The following GPR137C variants were observed in gnomAD, a reference collection of about 807,000 sequenced individuals.
GPR137C encodes the protein G protein-coupled receptor 137C.
GPR137C carries 27 observed loss-of-function variants against 43.4 expected under a neutral mutation model. That is an observed-to-expected ratio of 0.62 (90% CI 0.46 to 0.86). GPR137C has a LOEUF of 0.86. Among genes scored for constraint, GPR137C ranks in the 40% least tolerant of loss-of-function variants. The pLI is 0.00. For synonymous variants in GPR137C, 285 were observed against 226.9 expected (o/e 1.26, Z -2.30); for missense variants, 522 against 534.6 (o/e 0.98, Z 0.23).
chr14:52,620,642 TCAGA>T (rs1200686396), intron 3 of GPR137C, among the ~76,000 whole-genome samples: 1 of 151,630 alleles, frequency 6.6e-6, no homozygotes. Context: ...TTTGGATTTA[TCAGA>T]CAAAGCATTT....
At chr14:52,613,671 A>G in intron 3 of GPR137C, 1 of 282,044 alleles carries the variant, frequency 3.5e-6, no homozygotes, top group Non-Finnish European at 7.1e-6. Context: ...GTTGTTGCAG[A>G]TTACAGGATC....
In GPR137C at chr14:52,631,090, A is replaced by G. The variant is rs115974219; in HGVS notation, c.718-1070A>G. On this transcript the variant is annotated intron_variant, in intron 3 of 6. Transcript: ENST00000321662. Reference sequence around the variant, plus strand: ...AAATTTCCTTCAATTTACACATTCTATGTGTTTGTGGAAATTTGGGCCTCT... The same window carrying G: ...AAATTTCCTTCAATTTACACATTCTGTGTGTTTGTGGAAATTTGGGCCTCT... 4.3e-3 allele frequency among the ~76,000 whole-genome samples: 662 copies of G among 152,274 alleles called. 1 individual carries two copies. Among genetic ancestry groups the G allele is most frequent in the African/African-American group, 0.015 (634 of 41,556 alleles).
At chr14:52,619,984 T>C (rs2139566175) in intron 3 of GPR137C, among the ~76,000 whole-genome samples, 1 of 152,262 alleles carries the variant, frequency 6.6e-6, no homozygotes, top group Admixed American at 6.5e-5. Context: ...AGATTGCTCC[T>C]AATGGACCAA....
At chr14:52,624,772 A>G (rs1375554620) in intron 3 of GPR137C, among the ~76,000 whole-genome samples, 1 of 152,070 alleles carries the variant, frequency 6.6e-6, no homozygotes, top group Non-Finnish European at 1.5e-5. Context: ...AAATCAATGA[A>G]ATAGGAAACA....
At chr14:52,604,013 T>C (rs569280847) in intron 3 of GPR137C, among the ~76,000 whole-genome samples, 2 of 152,256 alleles carry the variant, frequency 1.3e-5, no homozygotes, top group East Asian at 3.9e-4. Context: ...TCCCTGATGA[T>C]TGATGTTGAA....
chr14:52,559,233 C>T (rs562028828), intron 1 of GPR137C, among the ~76,000 whole-genome samples: 1 of 151,888 alleles, frequency 6.6e-6, no homozygotes, highest in African/African-American at 2.4e-5. Flanking sequence ...AAAATTAGCC[C>T]AGCATGGTGG....
chr14:52,600,318 G>A lies in GPR137C; in HGVS notation c.694G>A (p.Ala232Thr). 6.3e-7 allele frequency: 1 copy of A among 1,598,884 alleles called. No individual in the cohort carries two copies. The highest frequency in any genetic ancestry group is 8.6e-7 in the Non-Finnish European group (1 of 1,167,368). ...YICKITKMSS[A>T]NVYLESKGMS... Reference sequence around the variant, plus strand: ...ATGCAAAATTACAAAAATGTCATCAGCTAATGTCTACCTCGAATCAAAGGT... The same window carrying A: ...ATGCAAAATTACAAAAATGTCATCAACTAATGTCTACCTCGAATCAAAGGT... The change falls in exon 3 of 7, where the codon GCT (alanine) becomes ACT (threonine). Residue 232 changes from alanine to threonine, a missense_variant. Physicochemically the swap from Ala to Thr is moderately conservative, Grantham distance 58. Transcript: ENST00000321662.
intron 3 of GPR137C, among the ~76,000 whole-genome samples, chr14:52,608,267 T>C (rs1018648115): frequency 2.0e-4 from 31 of 152,228 alleles, no homozygotes; most frequent in African/African-American, 6.3e-4. Context: ...GTATCTGTTA[T>C]AGATTTTTGC....
intron 1 of GPR137C, among the ~76,000 whole-genome samples, chr14:52,594,318 G>A (rs1416559817): frequency 6.6e-6 from 1 of 152,184 alleles, no homozygotes; most frequent in Non-Finnish European, 1.5e-5. Context: ...GGGATGGAGA[G>A]TTCTGTAGAT....
At chr14:52,592,937 T>C (rs7160511) in intron 1 of GPR137C, among the ~76,000 whole-genome samples, 7,127 of 152,272 alleles carry the variant, frequency 0.047, 404 homozygotes, top group East Asian at 0.16. Context: ...TTCTAGTTTT[T>C]GCCCATTCAG....
intron 3 of GPR137C, among the ~76,000 whole-genome samples, chr14:52,629,788 A>G (rs2139580797): frequency 6.6e-6 from 1 of 152,302 alleles, no homozygotes; most frequent in Admixed American, 6.5e-5. Flanking sequence ...AAACTCAATG[A>G]CTAGTAGGTT....
Position 52,600,259 on chromosome 14 carries a change from T to G in GPR137C, c.635T>G (p.Phe212Cys). The G allele has an allele frequency of 1.9e-6, 3 of 1,613,744 alleles. No individual in the cohort carries two copies. In the East Asian group the frequency reaches 6.7e-5, roughly 36 times the overall value. The change falls in exon 3 of 7, where the codon TTT becomes TGT. Residue 212 changes from phenylalanine (F) to cysteine (C), a missense_variant. Coordinates refer to ENST00000321662, the MANE Select transcript of GPR137C (RefSeq NM_001099652.2). ...FVRALINDSL[F>C]ILCAISLVCY... ...CGAGCATTAATTAATGATAGCCTGT[T>G]TATTCTTTGTGCCATCTCTTTAGTG...
In GPR137C at chr14:52,600,428, C is replaced by CTATTTTATTT. The variant is rs72343825; in HGVS notation, c.717+108_717+117dup. 4.9e-4 allele frequency: 332 copies of CTATTTTATTT among 675,122 alleles called. 2 individuals carry two copies. In the African/African-American group the frequency reaches 5.2e-3, roughly 11 times the overall value. The allele number at this position is 675,122 out of a possible 1,614,324, so 41.8% of individuals were successfully genotyped here. On this transcript the variant is annotated intron_variant, in intron 3 of 6. Coordinates refer to ENST00000321662, the MANE Select transcript of GPR137C (RefSeq NM_001099652.2). ...ATATTTTAATGGAAAGTTTATATTG[C>CTATTTTATTT]TATTTTATTTTATTTTATTTTATTT...
intron 1 of GPR137C, among the ~76,000 whole-genome samples, chr14:52,591,482 A>C (rs1197135630): frequency 6.6e-6 from 1 of 152,152 alleles, no homozygotes; most frequent in Non-Finnish European, 1.5e-5. Context: ...CATCCTCTCC[A>C]GCATCTGTTG....
intron 3 of GPR137C, among the ~76,000 whole-genome samples, chr14:52,605,421 C>T (rs1428157851): frequency 6.6e-6 from 1 of 152,114 alleles, no homozygotes; most frequent in Non-Finnish European, 1.5e-5. Flanking sequence ...TTTTACTGAT[C>T]ATTTATCAGT....
At chr14:52,568,656 A>G (rs772232327) in intron 1 of GPR137C, among the ~76,000 whole-genome samples, 14 of 152,200 alleles carry the variant, frequency 9.2e-5, no homozygotes, top group Non-Finnish European at 1.9e-4. Context: ...TTTTCCCCTC[A>G]GGGTGTAAAC....
intron 1 of GPR137C, among the ~76,000 whole-genome samples, chr14:52,591,194 T>C (rs1442852943): frequency 6.6e-6 from 1 of 152,168 alleles, no homozygotes; most frequent in African/African-American, 2.4e-5. Context: ...GTATTCCATA[T>C]TGCATATGTG....
intron 3 of GPR137C, among the ~76,000 whole-genome samples, chr14:52,629,041 C>G (rs2039263915): frequency 6.6e-6 from 1 of 152,136 alleles, no homozygotes; most frequent in Non-Finnish European, 1.5e-5. Flanking sequence ...TATTAGTCAT[C>G]TGGGAAATGC....
In GPR137C at chr14:52,611,884, C is replaced by T. The variant is rs903167573; in HGVS notation, c.717+11543C>T. Reference sequence around the variant, plus strand: ...TGGAAAGTCATAGTATATTACGTGGCACTAAAAATATAAATGTTGACTCGC... The same window carrying T: ...TGGAAAGTCATAGTATATTACGTGGTACTAAAAATATAAATGTTGACTCGC... On this transcript the variant is annotated intron_variant, in intron 3 of 6. Coordinates refer to ENST00000321662, the MANE Select transcript of GPR137C (RefSeq NM_001099652.2). The T allele has an allele frequency of 4.2e-5, 39 of 918,802 alleles. No individual in the cohort carries two copies. The Admixed American group carries it at 2.2e-3, about 51-fold the overall frequency. 56.9% of individuals were successfully genotyped at this position (918,802 alleles called of 1,614,324 possible).
Sources: allele counts gnomAD v4.1 joint callset (sites outside exome capture counted in the v4.1 genomes callset), GRCh38; gene constraint gnomAD v4.1.1; transcripts MANE v1.5; gene names NCBI Gene and HGNC (gene_info 2026-07-23, HGNC 2026-07-21).